TPP2: variants seen among roughly 807,000 people sequenced by gnomAD.
The protein encoded by TPP2 is tripeptidyl peptidase 2, also known as tripeptidyl-peptidase 2.
TPP2 carries 34 observed loss-of-function variants against 155.9 expected under a neutral mutation model. The ratio of observed to expected loss-of-function variants is 0.22; its 90% CI spans 0.17 to 0.29. TPP2 has a LOEUF of 0.29. Ranked by LOEUF, TPP2 falls within the 10% of genes least tolerant of loss-of-function variation. The pLI, the probability that TPP2 is intolerant of heterozygous loss-of-function variation, is 1.00. For synonymous variants in TPP2, 510 were observed against 529.4 expected, an observed-to-expected ratio of 0.96 and a Z score of 0.50; for missense variants, 1,028 against 1,522.3, an observed-to-expected ratio of 0.68 and a Z score of 5.40.
At chr13:102,666,766 C>CTTTTTTTTTTTTTTTTTTTTTTTTT in intron 27 of TPP2, among the ~76,000 whole-genome samples, 3 of 55,736 alleles carry the variant, frequency 5.4e-5, no homozygotes, top group East Asian at 6.9e-4. Context: ...TTTTTAATCT[C>CTTTTTTTTTTTTTTTTTTTTTTTTT]TTTTTTTTTT....
At chr13:102,669,398 C>T (rs1326789364) in intron 27 of TPP2, among the ~76,000 whole-genome samples, 2 of 152,018 alleles carry the variant, frequency 1.3e-5, no homozygotes, top group African/African-American at 4.8e-5. Flanking sequence ...ATAAGCTGGA[C>T]CAATATCAGT....
intron 4 of TPP2, among the ~76,000 whole-genome samples, chr13:102,617,960 T>C (rs1435360313): frequency 6.6e-6 from 1 of 152,200 alleles, no homozygotes; most frequent in Non-Finnish European, 1.5e-5. Context: ...TATAGTAACA[T>C]AGTCTAGAGA....
In TPP2 at chr13:102,679,343, A is replaced by G. The variant is rs1885489641; in HGVS notation, c.*1027A>G. 1 of 152,226 alleles carries G rather than the reference A, an allele frequency of 6.6e-6. No individual in the cohort carries two copies. Among genetic ancestry groups the G allele is most frequent in the African/African-American group, 2.4e-5 (1 of 41,468 alleles). The allele number at this position is 152,226 out of a possible 1,614,324, so 9.4% of individuals were successfully genotyped here. On this transcript the variant is annotated 3_prime_UTR_variant, in exon 30 of 30. Coordinates refer to ENST00000376052, the MANE Select transcript of TPP2 (RefSeq NM_001330588.2). ...TCTTGTATGATTAACTTTTGTGCAT[A>G]TCTAACTTTTTATTATTTTTATCTT...
At position 102,611,653 on chromosome 13, in the gene TPP2, C is replaced by T. The variant is rs1880330697; in HGVS notation, c.295-2448C>T. Among the ~76,000 whole-genome samples the T allele has an allele frequency of 2.0e-5, 3 of 152,134 alleles. No homozygotes were observed. The South Asian group carries it at 6.2e-4, about 32-fold the overall frequency. Reference sequence around the variant, plus strand: ...CAGCCTGAGTGACAGAGCGAGACTCCTTCTCAAAAAAATAAAAAAAAGACA... The same window carrying T: ...CAGCCTGAGTGACAGAGCGAGACTCTTTCTCAAAAAAATAAAAAAAAGACA... On this transcript the variant is annotated intron_variant, in intron 2 of 29. Transcript: ENST00000376052.
chr13:102,628,745 C>T (rs80097421), intron 8 of TPP2, among the ~76,000 whole-genome samples: 6,144 of 152,296 alleles, frequency 0.04, 189 homozygotes, highest in Non-Finnish European at 0.058. Context: ...TTACGGTCCT[C>T]GTAACATGCA....
chr13:102,644,764 G>A (rs1449939785), intron 18 of TPP2, 91 bp downstream of exon 18: 1 of 1,418,416 alleles, frequency 7.1e-7, no homozygotes, highest in Non-Finnish European at 9.7e-7. Flanking sequence ...CTTTAATGAG[G>A]GGAAATTACC....
At position 102,637,195 on chromosome 13, in the gene TPP2, C is replaced by T. The variant is rs753682674; in HGVS notation, c.1792C>T (p.Arg598Cys). Reference sequence around the variant, plus strand: ...GAATCAATGTAGACACATAAACATACGTGTGGATCCCAGGGGCTTAAGAGA... The same window carrying T: ...GAATCAATGTAGACACATAAACATATGTGTGGATCCCAGGGGCTTAAGAGA... ...LMNQCRHINI[R>C]VDPRGLREGL... The change falls in exon 14 of 30, where the codon CGT becomes TGT. Residue 598 changes from arginine (R) to cysteine (C), a missense_variant. Coordinates refer to ENST00000376052, the MANE Select transcript of TPP2 (RefSeq NM_001330588.2). 20 of 1,609,976 alleles carry T rather than the reference C, an allele frequency of 1.2e-5. No homozygotes were observed. The highest frequency in any genetic ancestry group is 5.6e-5 in the South Asian group (5 of 89,950).
At chr13:102,619,441 A>AC (rs1309430338) in intron 5 of TPP2, among the ~76,000 whole-genome samples, 1 of 151,960 alleles carries the variant, frequency 6.6e-6, no homozygotes, top group Non-Finnish European at 1.5e-5. Context: ...TTTCTGCAAA[A>AC]AAAAAACAAA....
intron 27 of TPP2, chr13:102,667,760 T>C (rs1450792096): frequency 1.0e-6 from 1 of 985,374 alleles, no homozygotes; most frequent in Non-Finnish European, 1.2e-6. Context: ...ACCCCCAGGT[T>C]GCCTTCTGAT....
intron 1 of TPP2, among the ~76,000 whole-genome samples, chr13:102,598,104 T>C (rs773366638): frequency 2.0e-5 from 3 of 152,242 alleles, no homozygotes; most frequent in Admixed American, 1.3e-4. Context: ...TGAAAGTATG[T>C]TGTCTCTCGT....
At chr13:102,672,243 G>A (rs193176201) in intron 27 of TPP2, among the ~76,000 whole-genome samples, 10 of 152,232 alleles carry the variant, frequency 6.6e-5, no homozygotes, top group African/African-American at 1.4e-4. Flanking sequence ...AGTGATGCTC[G>A]CATTTATTTA....
intron 27 of TPP2, among the ~76,000 whole-genome samples, chr13:102,666,120 T>G (rs1884576482): frequency 6.6e-6 from 1 of 152,214 alleles, no homozygotes; most frequent in Non-Finnish European, 1.5e-5. Context: ...CATTGTTTTA[T>G]TTAAATTTAG....
In TPP2 at chr13:102,678,299, G is replaced by A. The variant is rs747183965; in HGVS notation, c.3772G>A (p.Asp1258Asn). 7 of 1,613,358 alleles carry A rather than the reference G, an allele frequency of 4.3e-6. No individual in the cohort carries two copies. The East Asian group carries it at 6.7e-5, about 15-fold the overall frequency. ...CTGGCTCCCCATCATGTATCCTCCC[G>A]ATTATTGCGTATTCTAAAATAGGAA... ...ENWLPIMYPP[D>N]YCVF Residue 1258 changes from aspartate to asparagine, a missense_variant, in exon 30 of 30, where the codon GAT (aspartate) becomes AAT (asparagine). Asp to Asn is a conservative substitution (Grantham distance 23). Coordinates refer to ENST00000376052, the MANE Select transcript of TPP2 (RefSeq NM_001330588.2).
At chr13:102,626,091 C>T (rs780367616) in intron 6 of TPP2, among the ~76,000 whole-genome samples, 6 of 152,124 alleles carry the variant, frequency 3.9e-5, no homozygotes, top group African/African-American at 7.2e-5. Flanking sequence ...AATGAAACTC[C>T]CATCATGCCC....
intron 1 of TPP2, among the ~76,000 whole-genome samples, chr13:102,598,993 T>G (rs756121123): frequency 6.6e-6 from 1 of 152,256 alleles, no homozygotes; most frequent in Non-Finnish European, 1.5e-5. Context: ...AAGTACAGGT[T>G]TGTTACATGG....
At chr13:102,664,257 TAAA>T (rs1226801502) in intron 26 of TPP2, among the ~76,000 whole-genome samples, 1 of 152,208 alleles carries the variant, frequency 6.6e-6, no homozygotes, top group African/African-American at 2.4e-5. Context: ...GGAGATTTCT[TAAA>T]AGACTTTAAC....
chr13:102,676,536 A>G, intron 29 of TPP2, 121 bp downstream of exon 29: 2 of 1,187,010 alleles, frequency 1.7e-6, no homozygotes, highest in Non-Finnish European at 2.4e-6. Flanking sequence ...CAGTTATTAC[A>G]GTAATTAGCG....
At chr13:102,650,093 CAT>C (rs2139549970) in intron 23 of TPP2, among the ~76,000 whole-genome samples, 1 of 152,158 alleles carries the variant, frequency 6.6e-6, no homozygotes, top group Non-Finnish European at 1.5e-5. Flanking sequence ...GTACTTTAGA[CAT>C]ATATGTTACA....
At chr13:102,672,091 C>G (rs1333005766) in intron 27 of TPP2, among the ~76,000 whole-genome samples, 2 of 152,086 alleles carry the variant, frequency 1.3e-5, no homozygotes, top group Non-Finnish European at 2.9e-5. Flanking sequence ...TCATGGGGCA[C>G]CACCTGCCAA....
Sources: allele counts gnomAD v4.1 joint callset (sites outside exome capture counted in the v4.1 genomes callset), GRCh38; gene constraint gnomAD v4.1.1; transcripts MANE v1.5; gene names NCBI Gene and HGNC (gene_info 2026-07-23, HGNC 2026-07-21).